EML5: variants seen among roughly 807,000 people sequenced by gnomAD.
EML5 encodes EMAP like 5, also known as echinoderm microtubule-associated protein-like 5.
In EML5, 120 loss-of-function variants were observed where a neutral mutation model predicts 250.0. The observed-to-expected ratio is 0.48, with a 90% CI of 0.41 to 0.56. The LOEUF is 0.56. EML5 is among the 20% of genes least tolerant of loss of function. EML5 has a pLI of 0.00. For synonymous variants in EML5, 771 were observed against 806.5 expected (o/e 0.96, Z 0.75); for missense variants, 2,006 against 2,437.6 (o/e 0.82, Z 3.73).
Position 88,726,694 on chromosome 14 carries a change from TA to T in EML5, c.1050-17del. On this transcript the variant is annotated splice_polypyrimidine_tract_variant and intron_variant, in intron 7 of 43. Coordinates refer to ENST00000554922, the MANE Select transcript of EML5 (RefSeq NM_183387.3). The stretch of plus-strand genomic sequence containing the variant: ...GCTCCATATCCTGTAAAATTTAATT[TA>T]AAAAATAAAAAAGGTTAGCTAATGC... The T allele has an allele frequency of 6.6e-7, 1 of 1,505,704 alleles. No individual in the cohort carries two copies. The highest frequency in any genetic ancestry group is 8.9e-7 in the Non-Finnish European group (1 of 1,125,452). 93.3% of individuals were successfully genotyped at this position (1,505,704 alleles called of 1,614,324 possible).
chr14:88,709,430 T>C (rs532673243), intron 10 of EML5, among the ~76,000 whole-genome samples: 14 of 151,190 alleles, frequency 9.3e-5, no homozygotes, highest in South Asian at 2.1e-4. Flanking sequence ...CAACAGAAAA[T>C]AGGAAAGAGA....
Position 88,792,676 on chromosome 14 carries a change from C to T in EML5, c.-173G>A. 8.8e-7 allele frequency: 1 copy of T among 1,139,270 alleles called. No homozygotes were observed. Among genetic ancestry groups the T allele is most frequent in the South Asian group, 4.4e-5 (1 of 22,862 alleles). 70.6% of individuals were successfully genotyped at this position (1,139,270 alleles called of 1,614,324 possible). A position where few individuals can be genotyped will look rare whatever the true frequency, so the allele number is the denominator to read the frequency against. On this transcript the variant is annotated 5_prime_UTR_variant, in exon 1 of 44. In the 5' UTR this introduces an upstream ATG that the reference lacks. Coordinates refer to ENST00000554922, the MANE Select transcript of EML5 (RefSeq NM_183387.3). The surrounding 1 kb of genome is among the most constrained non-coding windows in gnomAD (Gnocchi z 6.9). ...CGGGGGCCGCCGCCGCCTCAGCCCA[C>T]AGGCGGGAGGAAAACCCTCGCCTCG...
intron 1 of EML5, among the ~76,000 whole-genome samples, chr14:88,775,611 T>A (rs1255798482): frequency 6.6e-6 from 1 of 152,148 alleles, no homozygotes; most frequent in Non-Finnish European, 1.5e-5. Flanking sequence ...GAACACCAGG[T>A]AGACTTCTAA....
In EML5 at chr14:88,715,127, T is replaced by C. The variant is rs1017110200; in HGVS notation, c.1256A>G (p.Asp419Gly). ...GCATCCAACAGCAAGGTAAGTTCCA[T>C]CTGGTGAATATTTTAACTCATGAAT... ...EAIHELKYSPDGTYLAVGCND... is the reference protein window; with the variant it reads ...EAIHELKYSPGGTYLAVGCND... The change falls in exon 9 of 44, where the codon GAT becomes GGT. Residue 419 changes from aspartate (D) to glycine (G), a missense_variant. Asp to Gly is a moderately conservative substitution (Grantham distance 94). Around this residue, in one of 7 missense-constraint regions of EML5, gnomAD observed 1,375 missense variants for 1,590.3 expected, o/e 0.86. Coordinates refer to ENST00000554922, the MANE Select transcript of EML5 (RefSeq NM_183387.3). 1 of 1,612,688 alleles carries C rather than the reference T, an allele frequency of 6.2e-7. No individual in the cohort carries two copies. Among genetic ancestry groups the C allele is most frequent in the Non-Finnish European group, 8.5e-7 (1 of 1,179,204 alleles).
Position 88,792,655 on chromosome 14 carries a change from G to GGCC in EML5, c.-155_-153dup. ...CCCGTCAGGTGCATCTCGTTTCGGG[G>GGCC]GCCGCCGCCGCCTCAGCCCACAGGC... On this transcript the variant is annotated 5_prime_UTR_variant, in exon 1 of 44. Transcript: ENST00000554922. The surrounding 1 kb of genome is among the most constrained non-coding windows in gnomAD (Gnocchi z 6.9). 8.7e-7 allele frequency: 1 copy of GGCC among 1,150,536 alleles called. No individual in the cohort carries two copies. The allele number at this position is 1,150,536 out of a possible 1,614,324, so 71.3% of individuals were successfully genotyped here. A position where few individuals can be genotyped will look rare whatever the true frequency, so the allele number is the denominator to read the frequency against.
intron 9 of EML5, among the ~76,000 whole-genome samples, chr14:88,714,079 C>T (rs57143395): frequency 5.1e-4 from 77 of 151,650 alleles, no homozygotes; most frequent in African/African-American, 1.7e-3. Flanking sequence ...CTCAAGCTGT[C>T]GGTCCACTGT....
rs1397687129 is a variant in EML5, at chr14:88,638,901, T to G, written c.4244A>C (p.Gln1415Pro). 1 of 1,568,812 alleles carries G rather than the reference T, an allele frequency of 6.4e-7. No homozygotes were observed. The highest frequency in any genetic ancestry group is 2.3e-5 in the East Asian group (1 of 43,744). Residue 1415 changes from glutamine (Q) to proline (P), a missense_variant, in exon 32 of 44, where the codon CAG (glutamine) becomes CCG (proline). Coordinates refer to ENST00000554922, the MANE Select transcript of EML5 (RefSeq NM_183387.3). ...ATCATTATGTTCCTGATAAAAACTC[T>G]GAGAACCTACAAAAAAGAATTTGAG... Reference protein sequence around the residue: ...GILHNVATGSQSFYQEHNDDI... With the variant: ...GILHNVATGSPSFYQEHNDDI...
intron 2 of EML5, among the ~76,000 whole-genome samples, chr14:88,751,526 T>C (rs1019226563): frequency 6.6e-6 from 1 of 150,824 alleles, no homozygotes; most frequent in African/African-American, 2.4e-5. Context: ...TGTTTGTTGG[T>C]TTTTTTTTGA....
In EML5 at chr14:88,685,091, C is replaced by T. The variant is rs2092801710; in HGVS notation, c.2906G>A (p.Gly969Asp). 1 of 1,610,730 alleles carries T rather than the reference C, an allele frequency of 6.2e-7. No individual in the cohort carries two copies. The highest frequency in any genetic ancestry group is 8.5e-7 in the Non-Finnish European group (1 of 1,178,146). Residue 969 changes from glycine to aspartate, a missense_variant, in exon 20 of 44, where the codon GGT (glycine) becomes GAT (aspartate). By Grantham distance (94) the Gly-to-Asp change is moderately conservative. Coordinates refer to ENST00000554922, the MANE Select transcript of EML5 (RefSeq NM_183387.3). ...ATTCTTTGTGCCAACTAAAATATGA[C>T]CATGTCCTAATGATATGGCACGTAT... ...PSIRAISLGH[G>D]HILVGTKNGE...
At chr14:88,674,071 C>T (rs2092537156) in intron 21 of EML5, among the ~76,000 whole-genome samples, 1 of 152,160 alleles carries the variant, frequency 6.6e-6, no homozygotes, top group African/African-American at 2.4e-5. Context: ...GAGTTCAAGA[C>T]CAGCCTGGCC....
chr14:88,749,027 TAA>T (rs777484973), intron 2 of EML5, among the ~76,000 whole-genome samples: 11 of 147,116 alleles, frequency 7.5e-5, no homozygotes, highest in Admixed American at 1.4e-4. Flanking sequence ...GAAATAATAG[TAA>T]AAAGTTTCCT....
At chr14:88,636,493 T>C (rs1482473778) in intron 32 of EML5, among the ~76,000 whole-genome samples, 1 of 152,074 alleles carries the variant, frequency 6.6e-6, no homozygotes, top group Non-Finnish European at 1.5e-5. Context: ...AAACCCCGTC[T>C]CTACTAAAAA....
intron 28 of EML5, among the ~76,000 whole-genome samples, chr14:88,649,586 AGTC>A (rs2091523937): frequency 1.3e-5 from 2 of 152,228 alleles, no homozygotes; most frequent in African/African-American, 2.4e-5. Context: ...AAAATTGAAT[AGTC>A]TTTCACTTAA....
At chr14:88,680,114 TTA>T (rs1335165575) in intron 21 of EML5, among the ~76,000 whole-genome samples, 1 of 152,218 alleles carries the variant, frequency 6.6e-6, no homozygotes, top group Non-Finnish European at 1.5e-5. Context: ...TATACTTATA[TTA>T]TGATTTTGTC....
chr14:88,617,910 A>G (rs1010160305), intron 41 of EML5: 4 of 184,886 alleles, frequency 2.2e-5, no homozygotes, highest in African/African-American at 7.1e-5. Context: ...TAGAGAATTA[A>G]TAACAGTTGC....
chr14:88,704,894 G>A lies in EML5; in HGVS notation c.2017C>T (p.Pro673Ser), dbSNP rs1001648652. The A allele has an allele frequency of 6.2e-7, 1 of 1,613,028 alleles. No individual in the cohort carries two copies. Among genetic ancestry groups the A allele is most frequent in the Admixed American group, 1.7e-5 (1 of 59,952 alleles). ...SATSKRRERA[P>S]GNSIRLHFVH... ...AAGTGTAATCGAATACTATTTCCTG[G>A]AGCCCGCTCTCTTCTTTTAGAAGTA... The change falls in exon 13 of 44, where the codon CCA becomes TCA. Residue 673 changes from proline to serine, a missense_variant. Transcript: ENST00000554922.
chr14:88,685,964 C>T (rs1407356625), intron 19 of EML5, among the ~76,000 whole-genome samples: 1 of 152,062 alleles, frequency 6.6e-6, no homozygotes, highest in East Asian at 1.9e-4. Flanking sequence ...TTTATGTCTA[C>T]TTGTCCTAGG....
rs527598245 is a variant in EML5, at chr14:88,693,849, C to G, written c.2539+458G>C. On this transcript the variant is annotated intron_variant, in intron 17 of 43. Transcript: ENST00000554922. ...TGCAGTGGGAGATCACAGCTCACTG[C>G]AGCCTTAACCTCCTGGGCTCAAGTG... 7.7e-5 allele frequency among the ~76,000 whole-genome samples: 11 copies of G among 142,930 alleles called. No homozygotes were observed. In the Admixed American group the frequency reaches 8.0e-4, roughly 10 times the overall value. 93.8% of individuals were successfully genotyped at this position (142,930 alleles called of 152,430 possible). A position where few individuals can be genotyped will look rare whatever the true frequency, so the allele number is the denominator to read the frequency against.
chr14:88,717,305 G>A (rs1372375769), intron 8 of EML5, among the ~76,000 whole-genome samples: 2 of 152,198 alleles, frequency 1.3e-5, no homozygotes, highest in Admixed American at 1.3e-4. Context: ...CACTGTAGTT[G>A]AATGGACACA....
Sources: allele counts gnomAD v4.1 joint callset (sites outside exome capture counted in the v4.1 genomes callset), GRCh38; gene constraint gnomAD v4.1.1; regional missense constraint gnomAD v4.1.1; non-coding constraint Gnocchi (gnomAD v3.1); transcripts MANE v1.5; gene names NCBI Gene and HGNC (gene_info 2026-07-23, HGNC 2026-07-21).